TTC7B: variants seen among roughly 807,000 people sequenced by gnomAD.
TTC7B encodes tetratricopeptide repeat domain 7B, also known as tetratricopeptide repeat protein 7B.
TTC7B carries 28 observed loss-of-function variants against 106.8 expected under a neutral mutation model. The observed-to-expected ratio is 0.26, with a 90% CI of 0.19 to 0.36. TTC7B has a LOEUF of 0.36. Among genes scored for constraint, TTC7B ranks in the 10% least tolerant of loss-of-function variants. The pLI, the probability that TTC7B is intolerant of heterozygous loss-of-function variation, is 1.00. For synonymous variants in TTC7B, 405 were observed against 430.6 expected (o/e 0.94, Z 0.74); for missense variants, 862 against 1,076.4 (o/e 0.80, Z 2.79).
intron 17 of TTC7B, among the ~76,000 whole-genome samples, chr14:90,610,431 CAGGGAAGCAG>C (rs1244625431): frequency 1.3e-5 from 2 of 152,202 alleles, no homozygotes; most frequent in Non-Finnish European, 2.9e-5. Context: ...GAGGGAGACA[CAGGGAAGCAG>C]AGGGGAAACC....
chr14:90,793,065 G>C (rs1274428802), intron 1 of TTC7B, among the ~76,000 whole-genome samples: 1 of 152,104 alleles, frequency 6.6e-6, no homozygotes, highest in East Asian at 1.9e-4. Flanking sequence ...ATGAGACTGT[G>C]TTCTCACGAG....
chr14:90,728,334 C>CT (rs1280269781), intron 5 of TTC7B, among the ~76,000 whole-genome samples: 3 of 123,606 alleles, frequency 2.4e-5, no homozygotes, highest in Non-Finnish European at 5.0e-5. Flanking sequence ...CTCGTCCCCC[C>CT]CGCAAAAAAA....
intron 4 of TTC7B, among the ~76,000 whole-genome samples, chr14:90,732,654 A>G (rs1286704260): frequency 6.6e-6 from 1 of 152,102 alleles, no homozygotes; most frequent in Admixed American, 6.5e-5. Context: ...CTGAGATTAC[A>G]GGCATGAGCC....
At chr14:90,777,968 C>T (rs1036588427) in intron 3 of TTC7B, among the ~76,000 whole-genome samples, 4 of 152,224 alleles carry the variant, frequency 2.6e-5, no homozygotes, top group Non-Finnish European at 2.9e-5. Context: ...GCTTGATGGG[C>T]GGGGAAACAG....
chr14:90,726,284 C>A (rs546016055), intron 5 of TTC7B, among the ~76,000 whole-genome samples: 1 of 152,188 alleles, frequency 6.6e-6, no homozygotes, highest in Non-Finnish European at 1.5e-5. Context: ...CCAGTGCCAC[C>A]GCGGTCAGAC....
intron 13 of TTC7B, chr14:90,647,289 G>A (rs569359544): frequency 2.5e-4 from 104 of 419,018 alleles, no homozygotes; most frequent in Admixed American, 1.5e-3. Context: ...TCGGCTTTGC[G>A]GAGGGCCTCG....
chr14:90,743,493 C>T (rs368514227), intron 4 of TTC7B, among the ~76,000 whole-genome samples: 2 of 152,122 alleles, frequency 1.3e-5, no homozygotes, highest in Admixed American at 1.3e-4. Flanking sequence ...AACAAGACCT[C>T]CAATCATTTT....
chr14:90,816,259 C>G lies in TTC7B; in HGVS notation c.37G>C (p.Glu13Gln). 2 of 1,243,570 alleles carry G rather than the reference C, an allele frequency of 1.6e-6. No homozygotes were observed. The highest frequency in any genetic ancestry group is 2.1e-6 in the Non-Finnish European group (2 of 962,362). The allele number at this position is 1,243,570 out of a possible 1,614,324, so 77.0% of individuals were successfully genotyped here. A position where few individuals can be genotyped will look rare whatever the true frequency, so the allele number is the denominator to read the frequency against. The change falls in exon 1 of 20, where the codon GAG becomes CAG. Residue 13 changes from glutamate (E) to glutamine (Q), a missense_variant. Glu to Gln is a conservative substitution (Grantham distance 29). Coordinates refer to ENST00000328459, the MANE Select transcript of TTC7B (RefSeq NM_001010854.2). Reference protein sequence around the residue: ...TKKAGSRLETEIERCRSECQW... With the variant: ...TKKAGSRLETQIERCRSECQW... Reference sequence around the variant, plus strand: ...CACTCGGAGCGGCAGCGCTCGATCTCCGTCTCCAGCCGCGAGCCTGCCTTC... The same window carrying G: ...CACTCGGAGCGGCAGCGCTCGATCTGCGTCTCCAGCCGCGAGCCTGCCTTC...
At chr14:90,724,699 G>T (rs1292919909) in intron 5 of TTC7B, among the ~76,000 whole-genome samples, 1 of 152,150 alleles carries the variant, frequency 6.6e-6, no homozygotes, top group Non-Finnish European at 1.5e-5. Context: ...GCTTCCTGTA[G>T]AGCCTGTGGA....
intron 4 of TTC7B, among the ~76,000 whole-genome samples, chr14:90,741,389 G>T (rs149621026): frequency 3.3e-5 from 5 of 152,098 alleles, no homozygotes; most frequent in South Asian, 4.2e-4. Context: ...AAAGTTAAAC[G>T]CCAGGACTAA....
chr14:90,631,567 C>T (rs529597067), intron 15 of TTC7B, among the ~76,000 whole-genome samples: 1 of 151,970 alleles, frequency 6.6e-6, no homozygotes, highest in Admixed American at 6.5e-5. Flanking sequence ...TGTTACCACA[C>T]CCGGCTAATT....
chr14:90,572,522 C>T (rs1891074735), intron 19 of TTC7B, among the ~76,000 whole-genome samples: 1 of 152,122 alleles, frequency 6.6e-6, no homozygotes, highest in Non-Finnish European at 1.5e-5. Flanking sequence ...TAATGTAGTC[C>T]CTTGAAATAG....
intron 16 of TTC7B, among the ~76,000 whole-genome samples, chr14:90,615,103 A>T (rs1893015946): frequency 6.6e-6 from 1 of 152,260 alleles, no homozygotes; most frequent in Non-Finnish European, 1.5e-5. Context: ...TCACAGCAAG[A>T]GACGCATCTC....
At chr14:90,595,847 A>G (rs1224648105) in intron 17 of TTC7B, among the ~76,000 whole-genome samples, 1 of 152,172 alleles carries the variant, frequency 6.6e-6, no homozygotes, top group African/African-American at 2.4e-5. Context: ...ACTGAGAACC[A>G]CTCGCTTGGA....
chr14:90,701,011 T>C (rs1887961586), intron 5 of TTC7B, among the ~76,000 whole-genome samples: 1 of 151,892 alleles, frequency 6.6e-6, no homozygotes, highest in African/African-American at 2.4e-5. Context: ...CTCCTCCTCA[T>C]ATCCAATGAC....
At chr14:90,629,611 G>C (rs1884603066) in intron 15 of TTC7B, among the ~76,000 whole-genome samples, 1 of 152,192 alleles carries the variant, frequency 6.6e-6, no homozygotes, top group African/African-American at 2.4e-5. Flanking sequence ...AGGTTTCCAG[G>C]AAACACCTGC....
chr14:90,591,938 CTGCAGCAGAGAAGAACAA>C (rs1891976730), intron 18 of TTC7B, among the ~76,000 whole-genome samples: 1 of 152,214 alleles, frequency 6.6e-6, no homozygotes, highest in East Asian at 1.9e-4. Flanking sequence ...CTGCAGGCGT[CTGCAGCAGAGAAGAACAA>C]CTGTGAATTC....
intron 15 of TTC7B, among the ~76,000 whole-genome samples, chr14:90,633,785 C>T (rs1444247717): frequency 4.6e-5 from 7 of 152,016 alleles, no homozygotes; most frequent in African/African-American, 1.7e-4. Flanking sequence ...AATCAGGGCT[C>T]TTGTGGCAAA....
rs1892372343 is a variant in TTC7B at position 90,600,286 on chromosome 14, A to G, written c.1967-6660T>C. Among the ~76,000 whole-genome samples the G allele has an allele frequency of 6.6e-6, 1 of 151,520 alleles. No homozygotes were observed. The highest frequency in any genetic ancestry group is 2.4e-5 in the African/African-American group (1 of 41,206). On this transcript the variant is annotated intron_variant, in intron 17 of 19. Coordinates refer to ENST00000328459, the MANE Select transcript of TTC7B (RefSeq NM_001010854.2). This position sits in a 1 kb window ranked among gnomAD's most constrained non-coding sequence, Gnocchi z 4.3. ...GGTAGTCCTGCTTTCTGAGGAGGCG[A>G]CTCCAGGTGGTGGCTCCTTGCACCG...
Sources: allele counts gnomAD v4.1 joint callset (sites outside exome capture counted in the v4.1 genomes callset), GRCh38; gene constraint gnomAD v4.1.1; non-coding constraint Gnocchi (gnomAD v3.1); transcripts MANE v1.5; gene names NCBI Gene and HGNC (gene_info 2026-07-23, HGNC 2026-07-21).